RHEX: variants seen among roughly 807,000 people sequenced by gnomAD.
RHEX encodes regulator of hemoglobinization and erythroid cell expansion.
In RHEX, 18 loss-of-function variants were observed where a neutral mutation model predicts 20.1. The observed-to-expected ratio is 0.90, with a 90% CI of 0.62 to 1.33. The LOEUF (loss-of-function observed/expected upper bound fraction) is 1.33. Ranked by LOEUF, RHEX falls within the 40% of genes most tolerant of loss-of-function variation. The pLI is 0.00. For missense variants in RHEX, 192 were observed against 214.3 expected (o/e 0.90, Z 0.65); for synonymous variants, 87 against 77.1 (o/e 1.13, Z -0.67).
chr1:206,068,857 A>C (rs1662477864), intron 1 of RHEX, among the ~76,000 whole-genome samples: 1 of 152,220 alleles, frequency 6.6e-6, no homozygotes, highest in Non-Finnish European at 1.5e-5. Flanking sequence ...ATAGGACAAG[A>C]AGCATTCTTT....
chr1:206,095,732 C>A (rs1330303021), intron 1 of RHEX, among the ~76,000 whole-genome samples: 1 of 152,020 alleles, frequency 6.6e-6, no homozygotes, highest in Admixed American at 6.5e-5. Context: ...AGGAGAATCG[C>A]TTGAACCTGG....
intron 1 of RHEX, among the ~76,000 whole-genome samples, chr1:206,064,834 AGTGGGGAAAG>A (rs1188993790): frequency 6.6e-6 from 1 of 151,950 alleles, no homozygotes; most frequent in Admixed American, 6.5e-5. Context: ...TGGAATAGAG[AGTGGGGAAAG>A]GTGGGGAAAA....
chr1:206,084,350 C>T (rs1429638933), intron 1 of RHEX, among the ~76,000 whole-genome samples: 1 of 152,204 alleles, frequency 6.6e-6, no homozygotes, highest in Non-Finnish European at 1.5e-5. Context: ...AGCTTAGTAT[C>T]TGCCGAGGAC....
At position 206,067,600 on chromosome 1, in the gene RHEX, A is replaced by G. The variant is rs1662453433; in HGVS notation, c.-97+14335A>G. 6.6e-6 allele frequency among the ~76,000 whole-genome samples: 1 copy of G among 152,098 alleles called. No homozygotes were observed. The highest frequency in any genetic ancestry group is 2.4e-5 in the African/African-American group (1 of 41,408). On this transcript the variant is annotated intron_variant, in intron 1 of 5. Coordinates refer to ENST00000331555, the MANE Select transcript of RHEX (RefSeq NM_001007544.4). This position sits in a 1 kb window ranked among gnomAD's most constrained non-coding sequence, Gnocchi z 4.6. ...GAGGGGGCCCCAGGTGGGGAGAGCA[A>G]TTTTTCTGCCAGACAGCTCATCACT...
intron 1 of RHEX, among the ~76,000 whole-genome samples, chr1:206,082,188 A>C (rs1465484488): frequency 2.0e-5 from 3 of 152,164 alleles, no homozygotes; most frequent in African/African-American, 7.2e-5. Flanking sequence ...GACTCAGCCC[A>C]AGGGGTGGCT....
At chr1:206,064,691 G>A (rs1267124726) in intron 1 of RHEX, among the ~76,000 whole-genome samples, 2 of 151,146 alleles carry the variant, frequency 1.3e-5, no homozygotes, top group Admixed American at 6.6e-5. Flanking sequence ...CGCCCCATCC[G>A]GGAGGTGAGG....
At chr1:206,065,080 A>C (rs1224368043) in intron 1 of RHEX, among the ~76,000 whole-genome samples, 4 of 152,098 alleles carry the variant, frequency 2.6e-5, no homozygotes, top group African/African-American at 9.7e-5. Context: ...TGAAGGCAGC[A>C]TGCTCATTAA....
intron 1 of RHEX, among the ~76,000 whole-genome samples, chr1:206,056,672 A>G (rs1035429154): frequency 1.3e-5 from 2 of 152,266 alleles, no homozygotes; most frequent in Non-Finnish European, 2.9e-5. Context: ...TCTAGGTGAC[A>G]CAAGAAAGGT....
intron 1 of RHEX, among the ~76,000 whole-genome samples, chr1:206,079,045 C>T (rs551375496): frequency 1.3e-4 from 20 of 152,066 alleles, no homozygotes; most frequent in Admixed American, 4.6e-4. Context: ...TGACATTGAG[C>T]AAGTTAACCC....
intron 1 of RHEX, among the ~76,000 whole-genome samples, chr1:206,091,910 T>C (rs1553287080): frequency 6.6e-6 from 1 of 152,210 alleles, no homozygotes; most frequent in Non-Finnish European, 1.5e-5. Context: ...GTGCCCTGTA[T>C]TGGCTTGTAG....
chr1:206,069,448 G>A (rs72752949), intron 1 of RHEX, among the ~76,000 whole-genome samples: 7,393 of 152,236 alleles, frequency 0.049, 215 homozygotes, highest in Middle Eastern at 0.11. Context: ...AACGTCCCGA[G>A]CCAGGGCTCA....
At chr1:206,100,252 G>T (rs1663162028) in intron 4 of RHEX, among the ~76,000 whole-genome samples, 1 of 152,142 alleles carries the variant, frequency 6.6e-6, no homozygotes, top group South Asian at 2.1e-4. Context: ...TCTTAGATCT[G>T]CATGGGTATC....
intron 4 of RHEX, among the ~76,000 whole-genome samples, chr1:206,100,676 C>T (rs1474339723): frequency 6.6e-6 from 1 of 152,100 alleles, no homozygotes; most frequent in East Asian, 1.9e-4. Context: ...TGACGAAAAC[C>T]AGGGCACAAA....
At chr1:206,083,039 T>C (rs1407415575) in intron 1 of RHEX, among the ~76,000 whole-genome samples, 1 of 152,234 alleles carries the variant, frequency 6.6e-6, no homozygotes, top group Non-Finnish European at 1.5e-5. Context: ...ACAAAGAAGT[T>C]GTCCTCAAAA....
intron 1 of RHEX, 161 bp downstream of exon 1, chr1:206,053,426 G>A (rs28859998): frequency 0.13 from 19,269 of 152,148 alleles, 1,315 homozygotes; most frequent in Middle Eastern, 0.2. Flanking sequence ...TTGGATTTCT[G>A]GATACTCTGA....
At chr1:206,056,870 G>C (rs1482284494) in intron 1 of RHEX, among the ~76,000 whole-genome samples, 1 of 152,220 alleles carries the variant, frequency 6.6e-6, no homozygotes, top group East Asian at 1.9e-4. Flanking sequence ...GTCAATACTG[G>C]TCTTGCGTTA....
chr1:206,085,105 CAAAT>C (rs777401316), intron 1 of RHEX, among the ~76,000 whole-genome samples: 7 of 152,108 alleles, frequency 4.6e-5, no homozygotes, highest in Non-Finnish European at 5.9e-5. Context: ...GAAAATAAGT[CAAAT>C]AAAGAGACAT....
At chr1:206,085,219 A>T (rs900461734) in intron 1 of RHEX, among the ~76,000 whole-genome samples, 1 of 152,210 alleles carries the variant, frequency 6.6e-6, no homozygotes, top group African/African-American at 2.4e-5. Flanking sequence ...TTTAATAGCA[A>T]TGTGTACAGA....
chr1:206,087,055 T>C (rs1662854441), intron 1 of RHEX, among the ~76,000 whole-genome samples: 2 of 152,060 alleles, frequency 1.3e-5, no homozygotes, highest in East Asian at 1.9e-4. Context: ...ATTTTACAGA[T>C]ATAACCCTGA....
Sources: gnomAD v4.1 joint callset for allele counts (sites outside exome capture counted in the v4.1 genomes callset) on GRCh38, gnomAD v4.1.1 for gene constraint, Gnocchi (gnomAD v3.1) non-coding constraint, MANE v1.5 for transcripts, NCBI Gene and HGNC (gene_info 2026-07-23, HGNC 2026-07-21) for gene names.